Variants in TMEM108 observed in about 807,000 individuals in gnomAD.
TMEM108 encodes the protein cancer/testis antigen 124.
A neutral mutation model predicts 35.1 loss-of-function variants in TMEM108; 12 were observed. That is an observed-to-expected ratio of 0.34 (90% confidence interval 0.22 to 0.55). The LOEUF (loss-of-function observed/expected upper bound fraction) is 0.55. TMEM108 is among the 20% of genes least tolerant of loss of function. TMEM108 has a pLI of 0.89. For synonymous variants in TMEM108, 287 were observed against 308.6 expected (o/e 0.93, Z 0.73); for missense variants, 680 against 753.3 (o/e 0.90, Z 1.14).
chr3:133,303,867 T>C (rs1258622252), intron 3 of TMEM108, among the ~76,000 whole-genome samples: 1 of 152,194 alleles, frequency 6.6e-6, no homozygotes, highest in Admixed American at 6.5e-5. Context: ...AGCAGGAAAT[T>C]GGAGTCTCTT....
intron 2 of TMEM108, among the ~76,000 whole-genome samples, chr3:133,119,962 C>G (rs1004568025): frequency 6.6e-6 from 1 of 152,158 alleles, no homozygotes; most frequent in African/African-American, 2.4e-5. Flanking sequence ...AATAGCATCA[C>G]TAAGGCTTGG....
intron 2 of TMEM108, among the ~76,000 whole-genome samples, chr3:133,118,279 A>G (rs1406719260): frequency 2.6e-5 from 4 of 152,196 alleles, no homozygotes; most frequent in South Asian, 2.1e-4. Flanking sequence ...TCTTAAAATC[A>G]TCTTAAGATT....
chr3:133,237,693 T>C (rs1946258190), intron 3 of TMEM108, among the ~76,000 whole-genome samples: 1 of 152,146 alleles, frequency 6.6e-6, no homozygotes, highest in African/African-American at 2.4e-5. Flanking sequence ...TCTCAACAGA[T>C]TGAATGCAGA....
chr3:133,337,666 A>C (rs891811000), intron 3 of TMEM108, among the ~76,000 whole-genome samples: 1 of 152,190 alleles, frequency 6.6e-6, no homozygotes, highest in Non-Finnish European at 1.5e-5. Flanking sequence ...ACAAGAATCA[A>C]GATCATATAG....
chr3:133,263,013 T>C (rs899870106), intron 3 of TMEM108, among the ~76,000 whole-genome samples: 1 of 152,242 alleles, frequency 6.6e-6, no homozygotes, highest in Non-Finnish European at 1.5e-5. Flanking sequence ...GGAAGCTCTC[T>C]GTTGCTGTAG....
intron 4 of TMEM108, among the ~76,000 whole-genome samples, chr3:133,383,418 T>C (rs2107847801): frequency 6.6e-6 from 1 of 152,290 alleles, no homozygotes; most frequent in East Asian, 1.9e-4. Flanking sequence ...CAAAATCTGT[T>C]TGATTCAGTG....
intron 2 of TMEM108, among the ~76,000 whole-genome samples, chr3:133,103,278 T>G (rs1944110889): frequency 6.6e-6 from 1 of 152,144 alleles, no homozygotes; most frequent in South Asian, 2.1e-4. Context: ...ACCATGTCTT[T>G]TGCAGGGACA....
At chr3:133,386,762 A>C in intron 4 of TMEM108, 2 of 1,161,016 alleles carry the variant, frequency 1.7e-6, no homozygotes, top group Non-Finnish European at 2.2e-6. Context: ...TGCATATGTC[A>C]TCTCTATACC....
At chr3:133,285,932 G>A (rs1946978343) in intron 3 of TMEM108, among the ~76,000 whole-genome samples, 1 of 152,178 alleles carries the variant, frequency 6.6e-6, no homozygotes, top group Non-Finnish European at 1.5e-5. Flanking sequence ...TGTGTTTGAG[G>A]TGGAGGGGGC....
At chr3:133,395,355 A>C (rs2073290350) in intron 5 of TMEM108, among the ~76,000 whole-genome samples, 1 of 152,202 alleles carries the variant, frequency 6.6e-6, no homozygotes, top group Non-Finnish European at 1.5e-5. Context: ...GGTCTGTTAG[A>C]TCCTGACAGG....
chr3:133,158,423 G>A (rs1018262972), intron 2 of TMEM108, among the ~76,000 whole-genome samples: 36 of 140,482 alleles, frequency 2.6e-4, no homozygotes, highest in Middle Eastern at 8.0e-3. Flanking sequence ...AGCCGAGATC[G>A]CGCCACTGCA....
At chr3:133,289,453 C>T (rs1402537922) in intron 3 of TMEM108, among the ~76,000 whole-genome samples, 1 of 152,188 alleles carries the variant, frequency 6.6e-6, no homozygotes, top group Non-Finnish European at 1.5e-5. Flanking sequence ...ATCAGTCAGA[C>T]ACCACGTGAA....
rs573081354 is a variant in TMEM108, at chr3:133,248,311, A to G, written c.40+18960A>G. The G allele has an allele frequency of 4.6e-5, 7 of 152,302 alleles. No homozygotes were observed. In the South Asian group the frequency reaches 1.2e-3, roughly 27 times the overall value. 9.4% of individuals were successfully genotyped at this position (152,302 alleles called of 1,614,324 possible). On this transcript the variant is annotated intron_variant, in intron 3 of 5. Transcript: ENST00000321871. ...ACCATGTTACTATAAAGAAAATACA[A>G]TGCCCTAAAAGCCAAGTGTTATGCC...
intron 2 of TMEM108, among the ~76,000 whole-genome samples, chr3:133,156,092 T>A: frequency 1.6e-5 from 1 of 63,556 alleles, no homozygotes. Context: ...TTATTTATTC[T>A]TTTTGGTAGG....
At chr3:133,076,169 A>G (rs1943740433) in intron 2 of TMEM108, among the ~76,000 whole-genome samples, 1 of 151,450 alleles carries the variant, frequency 6.6e-6, no homozygotes, top group Non-Finnish European at 1.5e-5. Context: ...ACATATATAC[A>G]TTAAATGTGG....
chr3:133,066,383 A>T (rs897025509), intron 2 of TMEM108, among the ~76,000 whole-genome samples: 1 of 152,180 alleles, frequency 6.6e-6, no homozygotes, highest in African/African-American at 2.4e-5. Context: ...GTTTACAAAG[A>T]TTCATAAAAA....
chr3:133,381,186 T>C, intron 4 of TMEM108, 25 bp downstream of exon 4: 1 of 1,564,380 alleles, frequency 6.4e-7, no homozygotes, highest in Non-Finnish European at 8.7e-7. Context: ...CTCCCACCCA[T>C]CCTCTCCCTC....
At chr3:133,183,892 CGGGAGAT>C (rs763541323) in intron 2 of TMEM108, among the ~76,000 whole-genome samples, 4 of 152,036 alleles carry the variant, frequency 2.6e-5, no homozygotes, top group Non-Finnish European at 5.9e-5. Context: ...AACCAGCAAA[CGGGAGAT>C]GGCCGTACCT....
intron 3 of TMEM108, among the ~76,000 whole-genome samples, chr3:133,362,184 C>G (rs1231461206): frequency 2.0e-5 from 3 of 152,100 alleles, no homozygotes; most frequent in Non-Finnish European, 4.4e-5. Flanking sequence ...TGCTGCAGGC[C>G]CAAAAGTTCC....
Sources: gnomAD v4.1 joint callset for allele counts (sites outside exome capture counted in the v4.1 genomes callset) on GRCh38, gnomAD v4.1.1 for gene constraint, MANE v1.5 for transcripts, NCBI Gene and HGNC (gene_info 2026-07-23, HGNC 2026-07-21) for gene names.